The following ILF2 variants were observed in gnomAD, a reference collection of about 807,000 sequenced individuals.
ILF2 encodes the protein interleukin enhancer-binding factor 2.
In ILF2, 9 loss-of-function variants were observed where a neutral mutation model predicts 55.3. The observed-to-expected ratio is 0.16, with a 90% CI of 0.10 to 0.28. The LOEUF (loss-of-function observed/expected upper bound fraction) is 0.28. Among genes scored for constraint, ILF2 ranks in the 10% least tolerant of loss-of-function variants. ILF2 has a pLI of 1.00. For synonymous variants in ILF2, 151 were observed against 161.8 expected (o/e 0.93, Z 0.50); for missense variants, 266 against 474.9 (o/e 0.56, Z 4.09).
chr1:153,662,514 G>A lies in ILF2; in HGVS notation c.1055C>T (p.Thr352Ile). The change falls in exon 14 of 14, where the codon ACA (threonine) becomes ATA (isoleucine). Residue 352 changes from threonine to isoleucine, a missense_variant. By Grantham distance (89) the Thr-to-Ile change is moderately conservative. Transcript: ENST00000361891. ...EISTWDGVIV[T>I]PSEKAYEKPP... is the part of the protein sequence containing the mutation. ...CTTCTCATAAGCCTTTTCTGAAGGT[G>A]TTACTATCACTCCATCCCAGGTAGA... The A allele has an allele frequency of 6.2e-7, 1 of 1,614,040 alleles. No individual in the cohort carries two copies. The highest frequency in any genetic ancestry group is 8.5e-7 in the Non-Finnish European group (1 of 1,179,924).
Position 153,670,930 on chromosome 1 carries a change from T to C in ILF2, c.-8A>G, listed in dbSNP as rs746502715. 2.5e-6 allele frequency: 4 copies of C among 1,614,086 alleles called. No homozygotes were observed. The East Asian group carries it at 8.9e-5, about 36-fold the overall frequency. ...TCGACCCACTTACCTCATGGCGCCT[T>C]AAAACACGAACAATGGAGGCCGCAC... On this transcript the variant is annotated 5_prime_UTR_variant, in exon 1 of 14. Coordinates refer to ENST00000361891, the MANE Select transcript of ILF2 (RefSeq NM_004515.4).
intron 1 of ILF2, 134 bp from the exon 2 acceptor site, chr1:153,670,364 C>T (rs1200574086): frequency 2.6e-6 from 2 of 757,782 alleles, no homozygotes; most frequent in Non-Finnish European, 4.4e-6. Flanking sequence ...CACTTGTCCC[C>T]ATTCCAAATG....
chr1:153,670,461 A>G (rs1415587952), intron 1 of ILF2, among the ~76,000 whole-genome samples: 2 of 152,152 alleles, frequency 1.3e-5, no homozygotes, highest in Non-Finnish European at 2.9e-5. Flanking sequence ...TACACTTAAT[A>G]ACCCATAATC....
chr1:153,664,221 G>T, intron 9 of ILF2, 91 bp from the exon 10 acceptor site: 1 of 970,368 alleles, frequency 1.0e-6, no homozygotes, highest in Non-Finnish European at 1.6e-6. Context: ...GCTATTTCCA[G>T]AACTATACAT....
In ILF2 at chr1:153,670,242, G is replaced by C. The variant is rs745462415; in HGVS notation, c.6-12C>G. The C allele has an allele frequency of 6.2e-7, 1 of 1,613,642 alleles. No homozygotes were observed. The highest frequency in any genetic ancestry group is 1.3e-5 in the African/African-American group (1 of 74,916). The stretch of plus-strand genomic sequence containing the variant: ...GGCCTCTGTCACCCCTAGAAATGCA[G>C]ATTTTATTTTGACCTCATTGAAGGA... On this transcript the variant is annotated splice_polypyrimidine_tract_variant and intron_variant, in intron 1 of 13. Coordinates refer to ENST00000361891, the MANE Select transcript of ILF2 (RefSeq NM_004515.4).
In ILF2 at chr1:153,662,332, C is replaced by T; in HGVS notation, c.*64G>A. On this transcript the variant is annotated 3_prime_UTR_variant, in exon 14 of 14. Coordinates refer to ENST00000361891, the MANE Select transcript of ILF2 (RefSeq NM_004515.4). ...CGGAAATGTCTGTCACCATGTAAAG[C>T]CCAGTAGCAGGCAGCTTAGGCTCCA... 1.9e-6 allele frequency: 3 copies of T among 1,603,762 alleles called. No homozygotes were observed. The highest frequency in any genetic ancestry group is 1.1e-5 in the South Asian group (1 of 89,848).
At position 153,662,289 on chromosome 1, in the gene ILF2, G is replaced by C; in HGVS notation, c.*107C>G. Reference sequence around the variant, plus strand: ...TTCTATGGAGTTTACTTTTCTTCCTGCTATCTTCCCTATCCCACGGAAATG... The same window carrying C: ...TTCTATGGAGTTTACTTTTCTTCCTCCTATCTTCCCTATCCCACGGAAATG... On this transcript the variant is annotated 3_prime_UTR_variant, in exon 14 of 14. Coordinates refer to ENST00000361891, the MANE Select transcript of ILF2 (RefSeq NM_004515.4). 7.2e-7 allele frequency: 1 copy of C among 1,395,876 alleles called. No individual in the cohort carries two copies. Among genetic ancestry groups the C allele is most frequent in the Non-Finnish European group, 9.8e-7 (1 of 1,020,722 alleles). The allele number at this position is 1,395,876 out of a possible 1,614,324, so 86.5% of individuals were successfully genotyped here.
intron 13 of ILF2, 22 bp from the exon 14 acceptor site, chr1:153,662,578 T>C (rs995166950): frequency 6.2e-7 from 1 of 1,605,760 alleles, no homozygotes; most frequent in Non-Finnish European, 8.5e-7. Flanking sequence ...AAAAAGGTGA[T>C]TTAGACGAGT....
At chr1:153,667,479 A>C in intron 6 of ILF2, 76 bp downstream of exon 6, 1 of 1,084,856 alleles carries the variant, frequency 9.2e-7, no homozygotes, top group Non-Finnish European at 1.4e-6. Flanking sequence ...AATTTGTCTC[A>C]AAACAAAAAA....
intron 6 of ILF2, among the ~76,000 whole-genome samples, chr1:153,666,903 C>T (rs942938071): frequency 2.6e-5 from 4 of 152,138 alleles, no homozygotes; most frequent in Non-Finnish European, 1.5e-5. Context: ...GGGCGGATCA[C>T]CTGAGGTCAG....
In ILF2 at chr1:153,663,106, T is replaced by C. The variant is rs1323877981; in HGVS notation, c.834A>G (p.Gly278=). Residue 278 remains glycine (G), a synonymous_variant, in exon 12 of 14, where the codon GGA becomes GGG. Coordinates refer to ENST00000361891, the MANE Select transcript of ILF2 (RefSeq NM_004515.4). ...TACCCACTGAACCTGGCAGGAACAG[T>C]CCTGCAGCCAGAATCTGCAAGCAGC... is the stretch of plus-strand genomic sequence containing the variant. ...YRRCLQILAA[G]LFLPGSVGIT... The C allele has an allele frequency of 1.2e-6, 2 of 1,613,982 alleles. No homozygotes were observed. Among genetic ancestry groups the C allele is most frequent in the African/African-American group, 2.7e-5 (2 of 74,876 alleles).
In ILF2 at chr1:153,669,817, A is replaced by T. The variant is rs1020131745; in HGVS notation, c.108+19T>A. ...CAACAGTGACCAGAAAATGTGTATC[A>T]TTAACCCAAGGTACTCACCAAATAG... On this transcript the variant is annotated intron_variant, in intron 3 of 13. Coordinates refer to ENST00000361891, the MANE Select transcript of ILF2 (RefSeq NM_004515.4). 1 of 1,597,108 alleles carries T rather than the reference A, an allele frequency of 6.3e-7. No homozygotes were observed.
At chr1:153,669,724 G>A (rs1489445433) in intron 3 of ILF2, 112 bp downstream of exon 3, 1 of 885,746 alleles carries the variant, frequency 1.1e-6, no homozygotes, top group Non-Finnish European at 1.9e-6. Context: ...TTACAGGCGT[G>A]AGGCACTGTG....
At position 153,670,987 on chromosome 1, in the gene ILF2, T is replaced by A; in HGVS notation, c.-65A>T. The A allele has an allele frequency of 6.2e-7, 1 of 1,601,930 alleles. No homozygotes were observed. Among genetic ancestry groups the A allele is most frequent in the Non-Finnish European group, 8.6e-7 (1 of 1,168,898 alleles). On this transcript the variant is annotated 5_prime_UTR_variant, in exon 1 of 14. Transcript: ENST00000361891. ...CCCCTTCCTCTGAGTAGCAGACAAC[T>A]GAAGAGGCGTCTTGCCGGCGTGTCC... is the stretch of plus-strand genomic sequence containing the variant.
rs1669183819 is a variant in ILF2, at chr1:153,662,118, G to GTATT, written c.*274_*277dup. ...CATTTCACAACATTTCAACAGCAAA[G>GTATT]TATTAGTTGAGAGAGGGGTTTTCAG... is the stretch of plus-strand genomic sequence containing the variant. On this transcript the variant is annotated 3_prime_UTR_variant, in exon 14 of 14. Coordinates refer to ENST00000361891, the MANE Select transcript of ILF2 (RefSeq NM_004515.4). 1 of 330,952 alleles carries GTATT rather than the reference G, an allele frequency of 3.0e-6. No individual in the cohort carries two copies. 20.5% of individuals were successfully genotyped at this position (330,952 alleles called of 1,614,324 possible).
At chr1:153,667,059 T>C (rs763880865) in intron 6 of ILF2, among the ~76,000 whole-genome samples, 9 of 151,816 alleles carry the variant, frequency 5.9e-5, no homozygotes, top group Non-Finnish European at 1.2e-4. Flanking sequence ...GAGGTGGAGG[T>C]TGCAGTGAAC....
rs1571335507 is a variant in ILF2 at position 153,665,749 on chromosome 1, TA to T, written c.395-22del. 1.9e-6 allele frequency: 3 copies of T among 1,575,588 alleles called. No individual in the cohort carries two copies. In the East Asian group the frequency reaches 6.7e-5, roughly 35 times the overall value. ...TTCCACTAATTGACAGAAAATGACA[TA>T]ATGTTATAATAATTTATTTGCCTAG... On this transcript the variant is annotated intron_variant, in intron 6 of 13. Transcript: ENST00000361891.
rs780130876 is a variant in ILF2 at position 153,664,141 on chromosome 1, T to C, written c.657-11A>G. 5 of 1,554,232 alleles carry C rather than the reference T, an allele frequency of 3.2e-6. No homozygotes were observed. The highest frequency in any genetic ancestry group is 4.4e-6 in the Non-Finnish European group (5 of 1,128,026). ...ATGAGAACTTTAACTCTGAAAGTAA[T>C]AGTGACCCAAACATTAAAATCAATA... On this transcript the variant is annotated splice_polypyrimidine_tract_variant and intron_variant, in intron 9 of 13. Coordinates refer to ENST00000361891, the MANE Select transcript of ILF2 (RefSeq NM_004515.4).
chr1:153,670,529 G>A (rs1375809816), intron 1 of ILF2, among the ~76,000 whole-genome samples: 1 of 152,126 alleles, frequency 6.6e-6, no homozygotes, highest in Non-Finnish European at 1.5e-5. Flanking sequence ...TCTTCACTAA[G>A]GTACACATTT....
Sources: gnomAD v4.1 joint callset for allele counts (sites outside exome capture counted in the v4.1 genomes callset) on GRCh38, gnomAD v4.1.1 for gene constraint, MANE v1.5 for transcripts, NCBI Gene and HGNC (gene_info 2026-07-23, HGNC 2026-07-21) for gene names.